Variants in ENTPD3 observed in about 807,000 individuals in gnomAD.
ENTPD3 encodes CD39 antigen-like 3.
Under a neutral mutation model 51.2 loss-of-function variants are expected in ENTPD3, and 60 were observed. The ratio of observed to expected loss-of-function variants is 1.17; its 90% CI spans 0.95 to 1.45. The LOEUF (loss-of-function observed/expected upper bound fraction) is 1.45, where lower values mean the gene tolerates loss of function less well. ENTPD3 is among the 40% of genes most tolerant of loss of function. ENTPD3 has a pLI of 0.00. For missense variants in ENTPD3, 593 were observed against 641.1 expected (o/e 0.93, Z 0.81); for synonymous variants, 221 against 238.4 (o/e 0.93, Z 0.67).
intron 5 of ENTPD3, among the ~76,000 whole-genome samples, chr3:40,412,568 C>CA (rs984240981): frequency 9.3e-5 from 14 of 150,750 alleles, no homozygotes; most frequent in African/African-American, 2.2e-4. Flanking sequence ...CTTGAAATTT[C>CA]AAAAAAAAAT....
intron 5 of ENTPD3, among the ~76,000 whole-genome samples, chr3:40,413,608 C>T (rs779174858): frequency 1.2e-4 from 19 of 152,154 alleles, no homozygotes; most frequent in Non-Finnish European, 2.1e-4. Flanking sequence ...GCTTCCCCTC[C>T]CTCCCCCAGT....
At chr3:40,412,345 C>T (rs908947801) in intron 5 of ENTPD3, among the ~76,000 whole-genome samples, 9 of 152,104 alleles carry the variant, frequency 5.9e-5, no homozygotes, top group African/African-American at 9.7e-5. Flanking sequence ...ATGTAGCTTC[C>T]GCTTGTGTAC....
At chr3:40,418,907 G>GA (rs35636349) in intron 7 of ENTPD3, among the ~76,000 whole-genome samples, 3 of 151,646 alleles carry the variant, frequency 2.0e-5, no homozygotes, top group East Asian at 1.9e-4. Context: ...AACTTAAAAA[G>GA]AAAAAAAATT....
chr3:40,421,548 G>A (rs929108231), intron 7 of ENTPD3, among the ~76,000 whole-genome samples: 7 of 152,106 alleles, frequency 4.6e-5, no homozygotes, highest in Non-Finnish European at 1.0e-4. Flanking sequence ...AATTTCAATG[G>A]ATAAAAGATT....
chr3:40,390,154 C>A (rs1047308065), intron 2 of ENTPD3, among the ~76,000 whole-genome samples: 4 of 152,126 alleles, frequency 2.6e-5, no homozygotes, highest in African/African-American at 4.8e-5. Context: ...CATCATATTT[C>A]AACCATTTGG....
chr3:40,423,078 TC>T lies in ENTPD3; in HGVS notation c.1061del (p.Ser354PhefsTer27). The T allele has an allele frequency of 6.2e-7, 1 of 1,614,044 alleles. No homozygotes were observed. Among genetic ancestry groups the T allele is most frequent in the Non-Finnish European group, 8.5e-7 (1 of 1,179,946 alleles). The stretch of plus-strand genomic sequence containing the variant: ...AGCTTGCCATGATCAAGAAACCTGT[TC>T]TTTTGATGGGGTTTATCAGCCAAAG... ...FKACHDQETCSFDGVYQPKIK... is the reference protein window; with the variant it reads ...FKACHDQETCXFDGVYQPKIK... On this transcript the variant is annotated frameshift_variant, in exon 8 of 11. Transcript: ENST00000301825. LOFTEE classifies it high-confidence loss of function.
chr3:40,409,149 G>C (rs1955570591), intron 4 of ENTPD3, among the ~76,000 whole-genome samples: 1 of 151,996 alleles, frequency 6.6e-6, no homozygotes, highest in Admixed American at 6.6e-5. Context: ...CTACTCGGGA[G>C]GCTGAGGCAG....
chr3:40,399,114 C>T (rs575718006), intron 3 of ENTPD3, among the ~76,000 whole-genome samples: 3 of 152,000 alleles, frequency 2.0e-5, no homozygotes, highest in Non-Finnish European at 4.4e-5. Flanking sequence ...CCCAGCTACT[C>T]GAAAAGCTGG....
At chr3:40,426,276 T>C (rs934197400) in intron 10 of ENTPD3, among the ~76,000 whole-genome samples, 3 of 151,826 alleles carry the variant, frequency 2.0e-5, no homozygotes, top group African/African-American at 7.3e-5. Flanking sequence ...GCCTGGCTAA[T>C]TTTTGTATTT....
At chr3:40,401,685 T>C (rs1377556850) in intron 4 of ENTPD3, among the ~76,000 whole-genome samples, 1 of 152,232 alleles carries the variant, frequency 6.6e-6, no homozygotes, top group Non-Finnish European at 1.5e-5. Context: ...GACACTGAAA[T>C]TTTGAATTTC....
chr3:40,409,194 G>C (rs1402979293), intron 4 of ENTPD3, among the ~76,000 whole-genome samples: 1 of 152,128 alleles, frequency 6.6e-6, no homozygotes, highest in Admixed American at 6.5e-5. Flanking sequence ...GGAGGCTGTA[G>C]TGAGCCGAGA....
intron 3 of ENTPD3, among the ~76,000 whole-genome samples, chr3:40,394,048 CAAAAAAAAAAAAAAA>C (rs559701033): frequency 1.6e-5 from 1 of 64,412 alleles, no homozygotes; most frequent in African/African-American, 7.2e-5. Context: ...GACTCTGTCT[CAAAAAAAAAAAAAAA>C]AAAAAAAAAA....
chr3:40,394,078 A>C (rs1955133759), intron 3 of ENTPD3, among the ~76,000 whole-genome samples: 1 of 146,704 alleles, frequency 6.8e-6, no homozygotes, highest in Non-Finnish European at 1.5e-5. Flanking sequence ...AAAAAAAGGA[A>C]CTGCAACTAA....
Position 40,416,016 on chromosome 3 carries a change from C to A in ENTPD3, c.774C>A (p.Ser258Arg), listed in dbSNP as rs1955739577. 3.7e-6 allele frequency: 6 copies of A among 1,614,074 alleles called. No individual in the cohort carries two copies. Among genetic ancestry groups the A allele is most frequent in the Non-Finnish European group, 5.1e-6 (6 of 1,179,996 alleles). The stretch of plus-strand genomic sequence containing the variant: ...ACGTATACACGCTCTACACACACAG[C>A]TTCCAGTGCTATGGCCGGAATGAGG... ...YGYVYTLYTH[S>R]FQCYGRNEAE... The change falls in exon 7 of 11, where the codon AGC becomes AGA. Residue 258 changes from serine (S) to arginine (R), a missense_variant. Physicochemically the swap from Ser to Arg is moderately radical, Grantham distance 110 (BLOSUM62 -1). Coordinates refer to ENST00000301825, the MANE Select transcript of ENTPD3 (RefSeq NM_001248.4).
chr3:40,394,297 T>C (rs145743930), intron 3 of ENTPD3: 51 of 307,888 alleles, frequency 1.7e-4, no homozygotes, highest in African/African-American at 9.7e-4. Context: ...TCTTGCTGTA[T>C]TTTTAGTACA....
At chr3:40,414,622 T>C (rs150819230) in intron 5 of ENTPD3, 59 bp from the exon 6 acceptor site, 104 of 1,575,490 alleles carry the variant, frequency 6.6e-5, no homozygotes, top group African/African-American at 2.7e-4. Context: ...AGTGAGACTA[T>C]GTATTTTAAG....
intron 4 of ENTPD3, among the ~76,000 whole-genome samples, chr3:40,402,720 T>G (rs919276467): frequency 5.3e-5 from 8 of 152,228 alleles, no homozygotes; most frequent in Admixed American, 2.0e-4. Context: ...TTGATTCTTA[T>G]GTAAATACAA....
chr3:40,388,236 G>T, intron 2 of ENTPD3, 139 bp downstream of exon 2: 1 of 744,860 alleles, frequency 1.3e-6, no homozygotes. Context: ...ACTCAGCTGG[G>T]TTTCAACACC....
At chr3:40,388,185 C>T in intron 2 of ENTPD3, 88 bp downstream of exon 2, 4 of 1,200,632 alleles carry the variant, frequency 3.3e-6, no homozygotes, top group Non-Finnish European at 3.7e-6. Context: ...ATCCATATCC[C>T]CTGCAAATGA....
Sources: allele counts gnomAD v4.1 joint callset (sites outside exome capture counted in the v4.1 genomes callset), GRCh38; gene constraint gnomAD v4.1.1; transcripts MANE v1.5; gene names NCBI Gene and HGNC (gene_info 2026-07-23, HGNC 2026-07-21).